Variants in HIKESHI observed in about 807,000 individuals in gnomAD.
The protein encoded by HIKESHI is heat shock protein nuclear import factor hikeshi.
A neutral mutation model predicts 25.7 loss-of-function variants in HIKESHI; 13 were observed. The observed-to-expected ratio is 0.51, with a 90% CI of 0.33 to 0.80. The LOEUF is 0.80. Ranked by LOEUF, HIKESHI falls within the 30% of genes least tolerant of loss-of-function variation. HIKESHI has a pLI of 0.02. For synonymous variants in HIKESHI, 76 were observed against 78.7 expected (o/e 0.97, Z 0.18); for missense variants, 174 against 229.5 (o/e 0.76, Z 1.56).
chr11:86,335,601 A>G (rs2138400291), intron 2 of HIKESHI, among the ~76,000 whole-genome samples: 1 of 152,340 alleles, frequency 6.6e-6, no homozygotes, highest in African/African-American at 2.4e-5. Flanking sequence ...GCATGTCCCA[A>G]CACGCAGAGC....
intron 2 of HIKESHI, among the ~76,000 whole-genome samples, chr11:86,319,236 A>ATTTTT (rs1279354045): frequency 1.2e-5 from 1 of 82,990 alleles, no homozygotes; most frequent in African/African-American, 5.5e-5. Context: ...ATATATATAT[A>ATTTTT]TATATATTTT....
chr11:86,326,994 A>G (rs544125985), intron 2 of HIKESHI, among the ~76,000 whole-genome samples: 15 of 152,178 alleles, frequency 9.9e-5, no homozygotes, highest in Non-Finnish European at 1.6e-4. Flanking sequence ...GGGAGGCTGA[A>G]GTGGGAGGAT....
At chr11:86,323,037 TG>T (rs1262615708) in intron 2 of HIKESHI, among the ~76,000 whole-genome samples, 7 of 152,076 alleles carry the variant, frequency 4.6e-5, no homozygotes. Context: ...AAGACCAGCC[TG>T]GGCAACGTAG....
In HIKESHI at chr11:86,337,545, A is replaced by G. The variant is rs765744747; in HGVS notation, c.420+15A>G. On this transcript the variant is annotated intron_variant, in intron 3 of 4. Coordinates refer to ENST00000278483, the MANE Select transcript of HIKESHI (RefSeq NM_016401.4). The stretch of plus-strand genomic sequence containing the variant: ...CATTCACTCAGGTAATGCAACATAC[A>G]TTTCATTCTTTACCTCCCCCTCCAC... The G allele has an allele frequency of 3.1e-6, 5 of 1,606,822 alleles. No homozygotes were observed. Among genetic ancestry groups the G allele is most frequent in the Admixed American group, 1.7e-5 (1 of 58,620 alleles).
intron 1 of HIKESHI, among the ~76,000 whole-genome samples, chr11:86,305,065 C>T (rs1946586640): frequency 6.6e-6 from 1 of 152,090 alleles, no homozygotes; most frequent in Admixed American, 6.5e-5. Context: ...AGTGGCGGGA[C>T]CTCGGCTTGC....
chr11:86,310,685 T>A (rs1043447025), intron 2 of HIKESHI, among the ~76,000 whole-genome samples: 1 of 152,218 alleles, frequency 6.6e-6, no homozygotes, highest in Non-Finnish European at 1.5e-5. Flanking sequence ...TTCAGTATGA[T>A]ATTGGCTGTG....
Position 86,326,849 on chromosome 11 carries a change from A to G in HIKESHI, c.269-10530A>G, listed in dbSNP as rs182673761. Among the ~76,000 whole-genome samples the G allele has an allele frequency of 2.0e-5, 3 of 152,292 alleles. No individual in the cohort carries two copies. The East Asian group carries it at 5.8e-4, about 29-fold the overall frequency. On this transcript the variant is annotated intron_variant, in intron 2 of 4. Transcript: ENST00000278483. ...AGTGAAAGGTGAGGTGTTAACGGTA[A>G]ATTGGGACTGTTGTATGGATGATCA...
intron 2 of HIKESHI, among the ~76,000 whole-genome samples, chr11:86,333,520 G>C (rs1947473090): frequency 6.7e-6 from 1 of 150,356 alleles, no homozygotes; most frequent in South Asian, 2.1e-4. Context: ...GGGCAACAGA[G>C]TGAGACTCTG....
chr11:86,327,739 C>T (rs796679240), intron 2 of HIKESHI, among the ~76,000 whole-genome samples: 13 of 152,298 alleles, frequency 8.5e-5, no homozygotes, highest in African/African-American at 3.1e-4. Flanking sequence ...TATGGCAATA[C>T]TGTACTTTAA....
At chr11:86,322,503 G>C (rs1048242217) in intron 2 of HIKESHI, among the ~76,000 whole-genome samples, 2 of 151,940 alleles carry the variant, frequency 1.3e-5, no homozygotes, top group Non-Finnish European at 2.9e-5. Context: ...TTCCTTATCA[G>C]GTATGTGATT....
intron 2 of HIKESHI, among the ~76,000 whole-genome samples, chr11:86,336,430 G>A (rs1427239363): frequency 1.3e-5 from 2 of 152,158 alleles, no homozygotes; most frequent in East Asian, 3.8e-4. Context: ...TGGGAGTAGA[G>A]CCCTCATGAA....
At chr11:86,315,273 C>T (rs7108053) in intron 2 of HIKESHI, among the ~76,000 whole-genome samples, 13,313 of 151,860 alleles carry the variant, frequency 0.088, 877 homozygotes, top group African/African-American at 0.18. Flanking sequence ...TTAATAGAAG[C>T]CAAAACCAAA....
chr11:86,344,679 G>A lies in HIKESHI; in HGVS notation c.497G>A (p.Ser166Asn). 1 of 1,612,110 alleles carries A rather than the reference G, an allele frequency of 6.2e-7. No individual in the cohort carries two copies. Among genetic ancestry groups the A allele is most frequent in the Non-Finnish European group, 8.5e-7 (1 of 1,178,370 alleles). The change falls in exon 4 of 5, where the codon AGC becomes AAC. Residue 166 changes from serine (S) to asparagine (N), a missense_variant. By Grantham distance (46) the Ser-to-Asn change is conservative. Transcript: ENST00000278483. The part of the protein sequence containing the change: ...FAVSQAQMTP[S>N]PSEMFIPANV... ...GTCTCTCAGGCCCAGATGACACCAA[G>A]CCCATCTGAAATGTTCATTCCGGCA...
At chr11:86,341,503 CT>C (rs1947730579) in intron 3 of HIKESHI, among the ~76,000 whole-genome samples, 1 of 101,876 alleles carries the variant, frequency 9.8e-6, no homozygotes, top group African/African-American at 3.6e-5. Context: ...TTTTTTTTTT[CT>C]TTTTTTTTGA....
intron 2 of HIKESHI, among the ~76,000 whole-genome samples, chr11:86,314,236 G>A (rs1946911929): frequency 6.6e-6 from 1 of 152,148 alleles, no homozygotes. Context: ...TTTGCTCTGA[G>A]GCGTCTGTGA....
Position 86,319,238 on chromosome 11 carries a change from A to ATTTTTTT in HIKESHI, c.268+12757_268+12758insTTTTTTT, listed in dbSNP as rs1246298090. Reference sequence around the variant, plus strand: ...TAAAAATATATATATATATATATATATATATTTTTTTTTTTTTTGAGACCA... The same window carrying ATTTTTTT: ...TAAAAATATATATATATATATATATATTTTTTTTATATTTTTTTTTTTTTTGAGACCA... On this transcript the variant is annotated intron_variant, in intron 2 of 4. Coordinates refer to ENST00000278483, the MANE Select transcript of HIKESHI (RefSeq NM_016401.4). Among the ~76,000 whole-genome samples, 231 of 82,924 alleles carry ATTTTTTT rather than the reference A, an allele frequency of 2.8e-3. 3 individuals carry two copies. Among genetic ancestry groups the ATTTTTTT allele is most frequent in the African/African-American group, 0.012 (223 of 19,074 alleles). The allele number at this position is 82,924 out of a possible 152,430, so 54.4% of individuals were successfully genotyped here. A position where few individuals can be genotyped will look rare whatever the true frequency, so the allele number is the denominator to read the frequency against.
chr11:86,303,887 G>C (rs1318093697), intron 1 of HIKESHI, among the ~76,000 whole-genome samples: 5 of 152,114 alleles, frequency 3.3e-5, no homozygotes, highest in Admixed American at 1.3e-4. Flanking sequence ...CAGATTTGCA[G>C]ACTGTTCAGT....
At chr11:86,330,925 C>T (rs1194050629) in intron 2 of HIKESHI, among the ~76,000 whole-genome samples, 2 of 152,096 alleles carry the variant, frequency 1.3e-5, no homozygotes, top group Non-Finnish European at 2.9e-5. Flanking sequence ...TCTGTTAAAA[C>T]CTGTAACAGC....
chr11:86,331,606 T>C (rs2138385600), intron 2 of HIKESHI, among the ~76,000 whole-genome samples: 1 of 152,320 alleles, frequency 6.6e-6, no homozygotes, highest in South Asian at 2.1e-4. Flanking sequence ...GGATGTTTTA[T>C]ATCTTTTATT....
Sources: allele counts gnomAD v4.1 joint callset (sites outside exome capture counted in the v4.1 genomes callset), GRCh38; gene constraint gnomAD v4.1.1; transcripts MANE v1.5; gene names NCBI Gene and HGNC (gene_info 2026-07-23, HGNC 2026-07-21).